MINAR1: variants seen among roughly 807,000 people sequenced by gnomAD.
MINAR1 encodes the protein membrane integral NOTCH2 associated receptor 1.
Under a neutral mutation model 65.1 loss-of-function variants are expected in MINAR1, and 40 were observed. The ratio of observed to expected loss-of-function variants is 0.61; its 90% CI spans 0.48 to 0.80. MINAR1 has a LOEUF of 0.80. Among genes scored for constraint, MINAR1 ranks in the 30% least tolerant of loss-of-function variants. The probability of loss-of-function intolerance (pLI) is 0.00; values close to 1 mark genes in which losing one functional copy is unlikely to be tolerated. For missense variants in MINAR1, 1,128 were observed against 1,148.0 expected (o/e 0.98, Z 0.25); for synonymous variants, 482 against 449.1 (o/e 1.07, Z -0.93).
chr15:79,439,289 TG>T (rs1223406457), intron 1 of MINAR1, among the ~76,000 whole-genome samples: 1 of 49,194 alleles, frequency 2.0e-5, no homozygotes, highest in African/African-American at 1.1e-4. Flanking sequence ...GGATAGTGAG[TG>T]GGTGGGCGTG....
intron 3 of MINAR1, among the ~76,000 whole-genome samples, chr15:79,465,874 G>A (rs192098469): frequency 1.3e-5 from 2 of 152,136 alleles, no homozygotes; most frequent in Admixed American, 1.3e-4. Context: ...AACTGCTGAA[G>A]GGTGTTCATG....
chr15:79,411,462 A>T, the MINAR1 span: 3 of 702,500 alleles, frequency 4.3e-6, no homozygotes, highest in Admixed American at 6.0e-5. Context: ...AGCCAGGCGG[A>T]ACACCTGCCA....
Position 79,458,042 on chromosome 15 carries a change from A to G in MINAR1, c.1895A>G (p.Gln632Arg), listed in dbSNP as rs1220989085. ...TTGGGCAAACTAAATAAATTGGACCAGAAAATGCAACAGCCTGAGAAGGTG... is the reference window on the plus strand; with the variant it reads ...TTGGGCAAACTAAATAAATTGGACCGGAAAATGCAACAGCCTGAGAAGGTG... ...QVLGKLNKLD[Q>R]KMQQPEKVSV... is the part of the protein sequence containing the mutation. Residue 632 changes from glutamine (Q) to arginine (R), a missense_variant, in exon 2 of 4, where the codon CAG becomes CGG. By Grantham distance (43) the Gln-to-Arg change is conservative. Coordinates refer to ENST00000305428, the MANE Select transcript of MINAR1 (RefSeq NM_015206.3). 2 of 1,614,218 alleles carry G rather than the reference A, an allele frequency of 1.2e-6. No individual in the cohort carries two copies. Among genetic ancestry groups the G allele is most frequent in the Admixed American group, 3.3e-5 (2 of 60,034 alleles).
chr15:79,460,741 C>T (rs145807739), intron 2 of MINAR1, among the ~76,000 whole-genome samples: 5 of 152,326 alleles, frequency 3.3e-5, no homozygotes, highest in East Asian at 3.9e-4. Flanking sequence ...GAGTTGCAAA[C>T]GTCTTAGCCA....
upstream of MINAR1, among the ~76,000 whole-genome samples, chr15:79,428,498 CTCCT>C (rs1413694824): frequency 2.1e-5 from 3 of 145,376 alleles, no homozygotes; most frequent in Non-Finnish European, 4.5e-5. Context: ...CCCTCCCTCC[CTCCT>C]TCCTCCTTCC....
At chr15:79,445,147 G>T (rs766671234) in intron 1 of MINAR1, among the ~76,000 whole-genome samples, 2 of 151,864 alleles carry the variant, frequency 1.3e-5, no homozygotes, top group Non-Finnish European at 2.9e-5. Flanking sequence ...TATCCCTAAT[G>T]ATTTTTAACC....
At chr15:79,431,692 G>A (rs1473936817), upstream of MINAR1, among the ~76,000 whole-genome samples, 1 of 152,230 alleles carries the variant, frequency 6.6e-6, no homozygotes, top group African/African-American at 2.4e-5. Flanking sequence ...GGAGAGCCGA[G>A]GACACTCTTC....
chr15:79,413,628 T>A, the MINAR1 span: 1 of 152,242 alleles, frequency 6.6e-6, no homozygotes, highest in East Asian at 1.9e-4. Context: ...GATCATGTGC[T>A]AGGTACTGGG....
chr15:79,452,009 G>A (rs1485472957), intron 1 of MINAR1, among the ~76,000 whole-genome samples: 1 of 151,984 alleles, frequency 6.6e-6, no homozygotes, highest in Non-Finnish European at 1.5e-5. Flanking sequence ...TGTGGAGATT[G>A]TGAGTGAGCC....
Position 79,457,118 on chromosome 15 carries a change from G to C in MINAR1, c.971G>C (p.Arg324Thr). Residue 324 changes from arginine (R) to threonine (T), a missense_variant, in exon 2 of 4, where the codon AGG becomes ACG. By Grantham distance (71) the Arg-to-Thr change is moderately conservative. Transcript: ENST00000305428. ...GTGTATTCCCCGGTTCCTGACAAAA[G>C]GCGAGCAAAGCACGAAAGCTTAGAT... is the stretch of plus-strand genomic sequence containing the variant. ...NPVYSPVPDK[R>T]RAKHESLDDL... is the part of the protein sequence containing the mutation. 6.2e-7 allele frequency: 1 copy of C among 1,614,110 alleles called. No homozygotes were observed. The highest frequency in any genetic ancestry group is 8.5e-7 in the Non-Finnish European group (1 of 1,180,030).
chr15:79,436,785 A>G (rs1352890271), intron 1 of MINAR1, among the ~76,000 whole-genome samples: 4 of 152,214 alleles, frequency 2.6e-5, no homozygotes, highest in African/African-American at 9.7e-5. Context: ...GCATTGTTCC[A>G]TGCCCTTAGC....
chr15:79,413,758 C>G, the MINAR1 span: 1 of 152,186 alleles, frequency 6.6e-6, no homozygotes, highest in African/African-American at 2.4e-5. Flanking sequence ...TGTATCCCAG[C>G]ACTATCTAGG....
the MINAR1 span, chr15:79,413,992 G>C: frequency 6.6e-6 from 1 of 152,176 alleles, no homozygotes; most frequent in Non-Finnish European, 1.5e-5. Context: ...ATGGGATACT[G>C]TCTAGGGGGA....
chr15:79,444,434 A>G (rs1894954685), intron 1 of MINAR1, among the ~76,000 whole-genome samples: 1 of 151,976 alleles, frequency 6.6e-6, no homozygotes, highest in Non-Finnish European at 1.5e-5. Flanking sequence ...CTACTTCACT[A>G]ATTTTTCTCG....
chr15:79,454,928 CTG>C (rs1360865051), intron 1 of MINAR1, among the ~76,000 whole-genome samples: 1 of 133,338 alleles, frequency 7.5e-6, no homozygotes, highest in Non-Finnish European at 1.6e-5. Flanking sequence ...ACATTAAAAT[CTG>C]TGAACAGTTT....
chr15:79,459,339 T>A (rs2141298766), intron 2 of MINAR1, among the ~76,000 whole-genome samples: 1 of 152,340 alleles, frequency 6.6e-6, no homozygotes, highest in South Asian at 2.1e-4. Context: ...ATAGCAGACT[T>A]CACTTCCTCA....
At chr15:79,444,899 T>C (rs1894971526) in intron 1 of MINAR1, among the ~76,000 whole-genome samples, 1 of 152,070 alleles carries the variant, frequency 6.6e-6, no homozygotes, top group African/African-American at 2.4e-5. Context: ...AGATCAAGTG[T>C]GTTAATTGTG....
At chr15:79,461,877 A>T (rs1187771328) in intron 2 of MINAR1, among the ~76,000 whole-genome samples, 10 of 152,088 alleles carry the variant, frequency 6.6e-5, no homozygotes, top group Admixed American at 3.9e-4. Context: ...CCACACACTC[A>T]CACACACTCC....
chr15:79,450,372 C>T (rs1027375239), intron 1 of MINAR1, among the ~76,000 whole-genome samples: 1 of 152,114 alleles, frequency 6.6e-6, no homozygotes, highest in South Asian at 2.1e-4. Flanking sequence ...TCTTCAAGGA[C>T]ACATAAGGCA....
Sources: gnomAD v4.1 joint callset for allele counts (sites outside exome capture counted in the v4.1 genomes callset) on GRCh38, gnomAD v4.1.1 for gene constraint, MANE v1.5 for transcripts, NCBI Gene and HGNC (gene_info 2026-07-23, HGNC 2026-07-21) for gene names.